The following DCHS1 variants were observed in gnomAD, a reference collection of about 807,000 sequenced individuals.
DCHS1 encodes dachsous cadherin-related 1, also known as protocadherin-16.
Under a neutral mutation model 213.9 loss-of-function variants are expected in DCHS1, and 78 were observed. The observed-to-expected ratio is 0.36, with a 90% CI of 0.30 to 0.44. The LOEUF is 0.44. DCHS1 is among the 20% of genes least tolerant of loss of function. DCHS1 has a pLI of 1.00. For synonymous variants in DCHS1, 1,828 were observed against 1,873.7 expected (o/e 0.98, Z 0.63); for missense variants, 3,946 against 4,395.9 (o/e 0.90, Z 2.89).
At position 6,625,191 on chromosome 11, in the gene DCHS1, T is replaced by A. The variant is rs1000924980; in HGVS notation, c.7146+7A>T. 3.0e-5 allele frequency: 47 copies of A among 1,576,094 alleles called. No homozygotes were observed. The highest frequency in any genetic ancestry group is 4.1e-5 in the Non-Finnish European group (47 of 1,159,908). ...CCAGGTGTAGGTGGATCCATGGGTG[T>A]CAATACCTGGTAGAGGCTCTGTGAG... On this transcript the variant is annotated splice_region_variant and intron_variant, in intron 19 of 20. Transcript: ENST00000299441. The surrounding 1 kb of genome is among the most constrained non-coding windows in gnomAD (Gnocchi z 5.3).
At chr11:6,631,571 C>T (rs1261469143) in intron 7 of DCHS1, 45 bp downstream of exon 7, 2 of 1,549,274 alleles carry the variant, frequency 1.3e-6, no homozygotes, top group East Asian at 2.3e-5. Flanking sequence ...GAGATCCCCA[C>T]TCCCTCTCAC....
intron 1 of DCHS1, among the ~76,000 whole-genome samples, chr11:6,650,197 T>G (rs976599329): frequency 1.6e-4 from 24 of 152,276 alleles, no homozygotes; most frequent in Middle Eastern, 3.4e-3. Context: ...AACAAGCTTC[T>G]TCTATCCAGT....
intron 1 of DCHS1, among the ~76,000 whole-genome samples, chr11:6,655,231 A>C (rs907967609): frequency 6.6e-6 from 1 of 152,058 alleles, no homozygotes; most frequent in Non-Finnish European, 1.5e-5. Flanking sequence ...ACACAGCCAG[A>C]GAGACGCCCA....
Position 6,629,568 on chromosome 11 carries a change from C to T in DCHS1, c.5045G>A (p.Gly1682Glu), listed in dbSNP as rs147878300. Reference protein sequence around the residue: ...RATDPDVGANGQVTYGGVSSE... With the variant: ...RATDPDVGANEQVTYGGVSSE... ...AGAGACGCCTCCATAAGTCACTTGC[C>T]CGTTGGCCCCTGAGGAGGGGCAGCA... Residue 1682 changes from glycine to glutamate, a missense_variant, in exon 12 of 21, where the codon GGG becomes GAG. By Grantham distance (98) the Gly-to-Glu change is moderately conservative (BLOSUM62 -2). This residue lies in a region of DCHS1 where 3,384 missense variants were observed against 3,780.1 expected (regional missense o/e 0.90). Coordinates refer to ENST00000299441, the MANE Select transcript of DCHS1 (RefSeq NM_003737.4). The T allele has an allele frequency of 6.2e-7, 1 of 1,613,630 alleles. No homozygotes were observed. Among genetic ancestry groups the T allele is most frequent in the Non-Finnish European group, 8.5e-7 (1 of 1,179,738 alleles).
At chr11:6,634,061 G>A (rs111598129) in intron 3 of DCHS1, 41 bp from the exon 4 acceptor site, 1 of 1,605,500 alleles carries the variant, frequency 6.2e-7, no homozygotes, top group Non-Finnish European at 8.5e-7. Context: ...GGCCTCATCT[G>A]GCCCTGGTGA....
chr11:6,645,019 A>G (rs1856135661), intron 1 of DCHS1, among the ~76,000 whole-genome samples: 1 of 152,252 alleles, frequency 6.6e-6, no homozygotes, highest in Non-Finnish European at 1.5e-5. Context: ...TTTGAGCCCC[A>G]GGCTGCGCAT....
chr11:6,652,304 C>T (rs1383549086), intron 1 of DCHS1, among the ~76,000 whole-genome samples: 1 of 152,126 alleles, frequency 6.6e-6, no homozygotes, highest in African/African-American at 2.4e-5. Context: ...TGAAAAGATC[C>T]TCCAGATTGA....
chr11:6,627,642 G>A lies in DCHS1; in HGVS notation c.5397C>T (p.Val1799=). 1 of 1,613,020 alleles carries A rather than the reference G, an allele frequency of 6.2e-7. No homozygotes were observed. Among genetic ancestry groups the A allele is most frequent in the Admixed American group, 1.7e-5 (1 of 59,994 alleles). Residue 1799 remains valine (V), a synonymous_variant, in exon 14 of 21, where the codon GTC becomes GTT. Transcript: ENST00000299441. The surrounding 1 kb of genome is among the most constrained non-coding windows in gnomAD (Gnocchi z 5.4). ...ILDGDPSGAF[V]LDLASGEFGT... Reference sequence around the variant, plus strand: ...CAAACTCTCCAGAAGCAAGGTCTAGGACAAAGGCTCCTGATGGGTCCCCAT... The same window carrying A: ...CAAACTCTCCAGAAGCAAGGTCTAGAACAAAGGCTCCTGATGGGTCCCCAT...
intron 6 of DCHS1, 105 bp downstream of exon 6, chr11:6,631,926 A>C: frequency 1.4e-6 from 2 of 1,446,936 alleles, no homozygotes; most frequent in Non-Finnish European, 1.8e-6. Flanking sequence ...CTAAATCCTC[A>C]TTCTCAGGGG....
chr11:6,626,084 G>A lies in DCHS1; in HGVS notation c.6577-10C>T, dbSNP rs778643705. 30 of 1,606,268 alleles carry A rather than the reference G, an allele frequency of 1.9e-5. No homozygotes were observed. The highest frequency in any genetic ancestry group is 2.4e-5 in the Non-Finnish European group (28 of 1,176,452). ...GGTCATCCGCCTCCACCTGGTGAGGGTAGGAGGCTGCTGGGACTGGTCTGG... is the reference window on the plus strand; with the variant it reads ...GGTCATCCGCCTCCACCTGGTGAGGATAGGAGGCTGCTGGGACTGGTCTGG... On this transcript the variant is annotated splice_polypyrimidine_tract_variant and intron_variant, in intron 16 of 20. Transcript: ENST00000299441. This position sits in a 1 kb window ranked among gnomAD's most constrained non-coding sequence, Gnocchi z 5.2.
In DCHS1 at chr11:6,624,269, G is replaced by T; in HGVS notation, c.7407C>A (p.His2469Gln). The change falls in exon 21 of 21, where the codon CAC (histidine) becomes CAA (glutamine). Residue 2469 changes from histidine (H) to glutamine (Q), a missense_variant. His to Gln is a conservative substitution (Grantham distance 24). This residue lies in a region of DCHS1 where 3,384 missense variants were observed against 3,780.1 expected (regional missense o/e 0.90). Transcript: ENST00000299441. ...APGRAARATV[H>Q]VQLQDQNDHA... ...GGTCGTTCTGGTCCTGCAGCTGCAC[G>T]TGCACTGTGGCTCGTGCTGCCCGGC... 6.2e-7 allele frequency: 1 copy of T among 1,610,722 alleles called. No individual in the cohort carries two copies. Among genetic ancestry groups the T allele is most frequent in the Non-Finnish European group, 8.5e-7 (1 of 1,178,786 alleles).
intron 12 of DCHS1, 109 bp downstream of exon 12, chr11:6,629,343 G>T: frequency 1.4e-6 from 2 of 1,443,050 alleles, no homozygotes; most frequent in African/African-American, 1.4e-5. Flanking sequence ...CAGGAGCTTT[G>T]TGGTAATAGG....
At position 6,622,772 on chromosome 11, in the gene DCHS1, A is replaced by G; in HGVS notation, c.8904T>C (p.Ala2968=). 1 of 1,592,976 alleles carries G rather than the reference A, an allele frequency of 6.3e-7. No individual in the cohort carries two copies. Among genetic ancestry groups the G allele is most frequent in the Non-Finnish European group, 8.5e-7 (1 of 1,170,024 alleles). ...GTGACATTGGGCCAGGGGCTGCCTCAGCCTTGCGGCTACGGGCCCGAACAA... is the reference window on the plus strand; with the variant it reads ...GTGACATTGGGCCAGGGGCTGCCTCGGCCTTGCGGCTACGGGCCCGAACAA... ...LGLVRARSRK[A]EAAPGPMSQA... Residue 2968 remains alanine, a synonymous_variant, in exon 21 of 21, where the codon GCT becomes GCC. Coordinates refer to ENST00000299441, the MANE Select transcript of DCHS1 (RefSeq NM_003737.4). This position sits in a 1 kb window ranked among gnomAD's most constrained non-coding sequence, Gnocchi z 5.4.
chr11:6,624,308 G>T lies in DCHS1; in HGVS notation c.7368C>A (p.Asp2456Glu). ...GTGCTGCCCGGCCTGGAGCCCCGTG[G>T]TCTCGTGCTTCCAGCACCACATCCA... ...GAVDVVLEAR[D>E]HGAPGRAARA... Residue 2456 changes from aspartate (D) to glutamate (E), a missense_variant, in exon 21 of 21, where the codon GAC becomes GAA. Transcript: ENST00000299441. The T allele has an allele frequency of 6.3e-7, 1 of 1,587,524 alleles. No individual in the cohort carries two copies. Among genetic ancestry groups the T allele is most frequent in the Admixed American group, 1.8e-5 (1 of 55,292 alleles).
In DCHS1 at chr11:6,634,321, G is replaced by C; in HGVS notation, c.1798-15C>G. On this transcript the variant is annotated splice_polypyrimidine_tract_variant and intron_variant, in intron 2 of 20. Coordinates refer to ENST00000299441, the MANE Select transcript of DCHS1 (RefSeq NM_003737.4). ...GTGGCTGTCACCTAGGGAGAGGCTG[G>C]GGTGAGTGGTGTCCCCTCTTCTTTG... 1 of 1,567,710 alleles carries C rather than the reference G, an allele frequency of 6.4e-7. No homozygotes were observed.
intron 20 of DCHS1, 120 bp from the exon 21 acceptor site, chr11:6,624,510 G>T: frequency 7.6e-7 from 1 of 1,319,928 alleles, no homozygotes; most frequent in Non-Finnish European, 1.0e-6. Flanking sequence ...TGGCCTATCT[G>T]CTGGGAGACA....
Position 6,624,108 on chromosome 11 carries a change from A to T in DCHS1, c.7568T>A (p.Ile2523Asn). 6.2e-7 allele frequency: 1 copy of T among 1,612,068 alleles called. No homozygotes were observed. Among genetic ancestry groups the T allele is most frequent in the Non-Finnish European group, 8.5e-7 (1 of 1,179,218 alleles). ...RSHAAVDYSIISGNWGRVFQL... is the reference protein window; with the variant it reads ...RSHAAVDYSINSGNWGRVFQL... ...GAAGACTCGGCCCCAGTTGCCACTG[A>T]TGATGCTGTAGTCCACAGCGGCATG... The change falls in exon 21 of 21, where the codon ATC (isoleucine) becomes AAC (asparagine). Residue 2523 changes from isoleucine to asparagine, a missense_variant. Transcript: ENST00000299441.
chr11:6,630,509 C>G lies in DCHS1; in HGVS notation c.4285G>C (p.Glu1429Gln), dbSNP rs1223953838. The change falls in exon 10 of 21, where the codon GAG becomes CAG. Residue 1429 changes from glutamate (E) to glutamine (Q), a missense_variant. Physicochemically the swap from Glu to Gln is conservative, Grantham distance 29 (BLOSUM62 2). Coordinates refer to ENST00000299441, the MANE Select transcript of DCHS1 (RefSeq NM_003737.4). The stretch of plus-strand genomic sequence containing the variant: ...GCAAAGGCGGGCGCATGCTCATTCT[C>G]GTCCTGCACTTGCACCTGCACTCGC... ...LLRVQVQVQD[E>Q]NEHAPAFARD... 4 of 1,539,108 alleles carry G rather than the reference C, an allele frequency of 2.6e-6. No homozygotes were observed. The African/African-American group carries it at 5.6e-5, about 21-fold the overall frequency.
In DCHS1 at chr11:6,633,396, T is replaced by C; in HGVS notation, c.2455+16A>G. The stretch of plus-strand genomic sequence containing the variant: ...ATTTGGGTCTGACACCAAGTGGGTA[T>C]AAAGCTAAATGATACCTGGTGGGTT... On this transcript the variant is annotated intron_variant, in intron 5 of 20. Transcript: ENST00000299441. 6.5e-7 allele frequency: 1 copy of C among 1,549,626 alleles called. No homozygotes were observed. Among genetic ancestry groups the C allele is most frequent in the Non-Finnish European group, 8.7e-7 (1 of 1,145,616 alleles).
Sources: gnomAD v4.1 joint callset for allele counts (sites outside exome capture counted in the v4.1 genomes callset) on GRCh38, gnomAD v4.1.1 for gene constraint, gnomAD v4.1.1 regional missense constraint, Gnocchi (gnomAD v3.1) non-coding constraint, MANE v1.5 for transcripts, NCBI Gene and HGNC (gene_info 2026-07-23, HGNC 2026-07-21) for gene names.